Variants in TMEM17 observed in about 807,000 individuals in gnomAD.
The protein encoded by TMEM17 is transmembrane protein 17.
A neutral mutation model predicts 19.1 loss-of-function variants in TMEM17; 15 were observed. The ratio of observed to expected loss-of-function variants is 0.78; its 90% CI spans 0.52 to 1.21. TMEM17 has a LOEUF of 1.21. Among genes scored for constraint, TMEM17 ranks in the 50% most tolerant of loss-of-function variants. The pLI is 0.00. For missense variants in TMEM17, 245 were observed against 242.3 expected (o/e 1.01, Z -0.07); for synonymous variants, 103 against 86.9 (o/e 1.19, Z -1.03).
chr2:62,454,172 C>T, the TMEM17 span, among the ~76,000 whole-genome samples: 1 of 152,180 alleles, frequency 6.6e-6, no homozygotes, highest in Admixed American at 6.5e-5. Flanking sequence ...TCTTAACCTC[C>T]CTGGAGAGCA....
At chr2:62,475,680 T>C in the TMEM17 span, among the ~76,000 whole-genome samples, 79 of 152,352 alleles carry the variant, frequency 5.2e-4, no homozygotes, top group Non-Finnish European at 8.1e-4. Flanking sequence ...ATGGGCTCTC[T>C]CTGGGCACTG....
At chr2:62,486,702 G>T in the TMEM17 span, among the ~76,000 whole-genome samples, 1 of 152,182 alleles carries the variant, frequency 6.6e-6, no homozygotes, top group South Asian at 2.1e-4. Context: ...TCTAGTGGAA[G>T]GGACAGGATG....
chr2:62,502,862 T>G, intron 1 of TMEM17, 68 bp from the exon 2 acceptor site: 2 of 850,744 alleles, frequency 2.4e-6, no homozygotes, highest in Non-Finnish European at 3.5e-6. Context: ...ATATATCCTA[T>G]TCCCTAGAAT....
the TMEM17 span, among the ~76,000 whole-genome samples, chr2:62,453,963 C>T: frequency 6.6e-6 from 1 of 152,196 alleles, no homozygotes; most frequent in African/African-American, 2.4e-5. Flanking sequence ...CAGGGTGGGT[C>T]CTGAGTTTCT....
At chr2:62,477,254 T>C in the TMEM17 span, among the ~76,000 whole-genome samples, 6 of 152,012 alleles carry the variant, frequency 3.9e-5, no homozygotes, top group Non-Finnish European at 7.4e-5. Context: ...AAAATTAGCC[T>C]GGCGTAGTGG....
intron 3 of TMEM17, chr2:62,501,709 A>C (rs1290590797): frequency 6.0e-6 from 3 of 501,932 alleles, no homozygotes; most frequent in African/African-American, 5.7e-5. Context: ...TGAACAATTA[A>C]GTGCAATATT....
chr2:62,464,661 G>C, the TMEM17 span, among the ~76,000 whole-genome samples: 2 of 152,188 alleles, frequency 1.3e-5, no homozygotes, highest in African/African-American at 2.4e-5. Flanking sequence ...TGTAATTCAC[G>C]TACAGCCGGC....
the TMEM17 span, among the ~76,000 whole-genome samples, chr2:62,475,414 G>C: frequency 2.6e-5 from 4 of 152,228 alleles, no homozygotes; most frequent in Non-Finnish European, 4.4e-5. Context: ...GAACCTACGA[G>C]AGTCCCTGCC....
In TMEM17 at chr2:62,501,350, A is replaced by AG; in HGVS notation, c.455dup (p.Gln154ProfsTer14). ...TAAGAAATGCTGCAACAACTTGGAA[A>AG]GCAAGGAAGAGAGTGAAGATGATAT... On this transcript the variant is annotated frameshift_variant, in exon 4 of 4. Transcript: ENST00000335390. LOFTEE classifies it high-confidence loss of function. The AG allele has an allele frequency of 6.2e-7, 1 of 1,614,232 alleles. No homozygotes were observed. The highest frequency in any genetic ancestry group is 1.1e-5 in the South Asian group (1 of 91,088).
At chr2:62,492,682 C>T in the TMEM17 span, among the ~76,000 whole-genome samples, 1 of 152,236 alleles carries the variant, frequency 6.6e-6, no homozygotes, top group South Asian at 2.1e-4. Flanking sequence ...TAAGCACTGT[C>T]ATATGCACTG....
At chr2:62,489,250 G>A in the TMEM17 span, among the ~76,000 whole-genome samples, 13 of 152,182 alleles carry the variant, frequency 8.5e-5, no homozygotes, top group African/African-American at 1.9e-4. Context: ...GAGTCTCAAC[G>A]CTGTTTCCAG....
the TMEM17 span, among the ~76,000 whole-genome samples, chr2:62,466,112 A>G: frequency 6.6e-6 from 1 of 152,200 alleles, no homozygotes; most frequent in African/African-American, 2.4e-5. Flanking sequence ...TGTCATTGAT[A>G]AAGGACAAAG....
the TMEM17 span, among the ~76,000 whole-genome samples, chr2:62,491,925 CA>C: frequency 0.02 from 2,145 of 108,274 alleles, 36 homozygotes; most frequent in African/African-American, 0.057. Context: ...GGCAAAAAAC[CA>C]AAAAAAAAAA....
downstream of TMEM17, among the ~76,000 whole-genome samples, chr2:62,496,030 C>G (rs1461884678): frequency 6.6e-6 from 1 of 152,080 alleles, no homozygotes; most frequent in Non-Finnish European, 1.5e-5. Context: ...TCAGTTTTCC[C>G]TTAATTCAAA....
At chr2:62,473,668 C>A in the TMEM17 span, among the ~76,000 whole-genome samples, 1 of 152,176 alleles carries the variant, frequency 6.6e-6, no homozygotes, top group African/African-American at 2.4e-5. Context: ...TCATGGTGAG[C>A]AGGTGGGCAG....
the TMEM17 span, among the ~76,000 whole-genome samples, chr2:62,488,869 G>GA: frequency 7.0e-6 from 1 of 142,924 alleles, no homozygotes; most frequent in African/African-American, 2.6e-5. Flanking sequence ...TTAGGGGTCA[G>GA]ATTTAAAAAA....
chr2:62,485,231 C>T, the TMEM17 span, among the ~76,000 whole-genome samples: 7 of 152,244 alleles, frequency 4.6e-5, no homozygotes, highest in South Asian at 4.1e-4. Context: ...TAAGCTACCA[C>T]GCCCAGCTTG....
At chr2:62,456,693 C>G in the TMEM17 span, among the ~76,000 whole-genome samples, 1 of 152,202 alleles carries the variant, frequency 6.6e-6, no homozygotes. Context: ...GCTCATGGTT[C>G]GGGGTTGGCT....
chr2:62,466,028 C>T, the TMEM17 span, among the ~76,000 whole-genome samples: 1 of 152,084 alleles, frequency 6.6e-6, no homozygotes, highest in South Asian at 2.1e-4. Flanking sequence ...AAAGGGACAA[C>T]AGAACTCAAG....
Sources: allele counts gnomAD v4.1 joint callset (sites outside exome capture counted in the v4.1 genomes callset), GRCh38; gene constraint gnomAD v4.1.1; transcripts MANE v1.5; gene names NCBI Gene and HGNC (gene_info 2026-07-23, HGNC 2026-07-21).